The following PTPN5 variants were observed in gnomAD, a reference collection of about 807,000 sequenced individuals.
The protein encoded by PTPN5 is tyrosine-protein phosphatase non-receptor type 5.
In PTPN5, 29 loss-of-function variants were observed where a neutral mutation model predicts 73.9. The ratio of observed to expected loss-of-function variants is 0.39; its 90% CI spans 0.29 to 0.54. The LOEUF (loss-of-function observed/expected upper bound fraction) is 0.54, where lower values mean the gene tolerates loss of function less well. Ranked by LOEUF, PTPN5 falls within the 20% of genes least tolerant of loss-of-function variation. PTPN5 has a pLI of 0.65. For synonymous variants in PTPN5, 267 were observed against 304.7 expected, an observed-to-expected ratio of 0.88 and a Z score of 1.29; for missense variants, 652 against 751.4, an observed-to-expected ratio of 0.87 and a Z score of 1.55.
chr11:18,758,690 C>CAG (rs1850258729), intron 3 of PTPN5, among the ~76,000 whole-genome samples: 4 of 136,340 alleles, frequency 2.9e-5, no homozygotes, highest in African/African-American at 1.1e-4. Flanking sequence ...TTTTTTTTTT[C>CAG]TTCAGATATA....
At chr11:18,765,140 T>C (rs949977659) in intron 3 of PTPN5, among the ~76,000 whole-genome samples, 1 of 152,200 alleles carries the variant, frequency 6.6e-6, no homozygotes, top group African/African-American at 2.4e-5. Context: ...GTTAACCTTT[T>C]GTTATAAGAA....
At chr11:18,762,274 G>C (rs1316892078) in intron 3 of PTPN5, among the ~76,000 whole-genome samples, 1 of 152,202 alleles carries the variant, frequency 6.6e-6, no homozygotes, top group Non-Finnish European at 1.5e-5. Flanking sequence ...CCCTCACTCT[G>C]CCTCGCCTCT....
chr11:18,765,912 T>C (rs1850624930), intron 2 of PTPN5, 29 bp from the exon 3 acceptor site: 1 of 1,501,808 alleles, frequency 6.7e-7, no homozygotes. Flanking sequence ...GGTAAGAATA[T>C]GCTGTTGAGC....
intron 1 of PTPN5, among the ~76,000 whole-genome samples, chr11:18,786,201 ATTTTT>A: frequency 6.8e-6 from 1 of 147,068 alleles, no homozygotes; most frequent in African/African-American, 2.5e-5. Flanking sequence ...GGGGGAATCT[ATTTTT>A]TTTTTTTTTT....
intron 2 of PTPN5, among the ~76,000 whole-genome samples, chr11:18,768,083 G>T (rs934250880): frequency 6.6e-6 from 1 of 152,200 alleles, no homozygotes; most frequent in Non-Finnish European, 1.5e-5. Flanking sequence ...TCAAAGCCTC[G>T]CACAGTGCCT....
chr11:18,770,767 G>C (rs1310371927), intron 2 of PTPN5, among the ~76,000 whole-genome samples: 1 of 152,200 alleles, frequency 6.6e-6, no homozygotes, highest in African/African-American at 2.4e-5. Flanking sequence ...TATGTGTGAA[G>C]GTAATGCGTT....
At position 18,733,509 on chromosome 11, in the gene PTPN5, C is replaced by T. The variant is rs1345329646; in HGVS notation, c.1080+47G>A. On this transcript the variant is annotated intron_variant, in intron 10 of 14. Coordinates refer to ENST00000358540, the MANE Select transcript of PTPN5 (RefSeq NM_006906.2). This position sits in a 1 kb window ranked among gnomAD's most constrained non-coding sequence, Gnocchi z 4.3. ...AAGGCTGGAGGATGGATCCCATCGA[C>T]TCAGGCCTCCCCTTGAGCAAGAGGC... 6.2e-7 allele frequency: 1 copy of T among 1,612,898 alleles called. No homozygotes were observed. Among genetic ancestry groups the T allele is most frequent in the Non-Finnish European group, 8.5e-7 (1 of 1,179,076 alleles).
At chr11:18,749,477 T>C in intron 3 of PTPN5, 1 of 195,846 alleles carries the variant, frequency 5.1e-6, no homozygotes. Context: ...ATGTCTGGGG[T>C]CGGGGGAGGG....
chr11:18,784,235 A>T (rs984205773), intron 1 of PTPN5, among the ~76,000 whole-genome samples: 1 of 152,264 alleles, frequency 6.6e-6, no homozygotes, highest in African/African-American at 2.4e-5. Context: ...TCATAGCCGT[A>T]TTATTCACAA....
rs1227925488 is a variant in PTPN5, at chr11:18,749,412, A to C, written c.98-5213T>G. 3.2e-5 allele frequency: 16 copies of C among 494,558 alleles called. No individual in the cohort carries two copies. In the Admixed American group the frequency reaches 3.4e-4, roughly 11 times the overall value. The allele number at this position is 494,558 out of a possible 1,614,324, so 30.6% of individuals were successfully genotyped here. A position where few individuals can be genotyped will look rare whatever the true frequency, so the allele number is the denominator to read the frequency against. On this transcript the variant is annotated intron_variant, in intron 3 of 14. Coordinates refer to ENST00000358540, the MANE Select transcript of PTPN5 (RefSeq NM_006906.2). Reference sequence around the variant, plus strand: ...CTTTCCAGCATCAAGTGATGTTTCCATTTTGCCATGCCGCTTCTCAGTAAA... The same window carrying C: ...CTTTCCAGCATCAAGTGATGTTTCCCTTTTGCCATGCCGCTTCTCAGTAAA...
intron 2 of PTPN5, among the ~76,000 whole-genome samples, chr11:18,770,829 A>C (rs1370888129): frequency 6.6e-6 from 1 of 152,066 alleles, no homozygotes; most frequent in Non-Finnish European, 1.5e-5. Flanking sequence ...TAGACCACCC[A>C]CCCCATTTTC....
At chr11:18,790,349 G>A (rs1342141175) in intron 1 of PTPN5, among the ~76,000 whole-genome samples, 1 of 152,162 alleles carries the variant, frequency 6.6e-6, no homozygotes, top group Non-Finnish European at 1.5e-5. Flanking sequence ...GGGAGGGAAG[G>A]GTGACTGGGA....
chr11:18,787,016 G>A (rs976883753), intron 1 of PTPN5, among the ~76,000 whole-genome samples: 2 of 152,168 alleles, frequency 1.3e-5, no homozygotes, highest in Admixed American at 6.5e-5. Flanking sequence ...ATATTTGTGC[G>A]GGGAGGAGGA....
rs1194693057 is a variant in PTPN5, at chr11:18,728,001, GTC to G, written c.*931_*932del. On this transcript the variant is annotated 3_prime_UTR_variant, in exon 15 of 15. Transcript: ENST00000358540. The surrounding 1 kb of genome is among the most constrained non-coding windows in gnomAD (Gnocchi z 4.1). ...AGCGAATTATAAAAAGACACCAAAT[GTC>G]TCTGTCTGCCGTGGGATAAATATTT... The G allele has an allele frequency of 2.0e-5, 3 of 152,724 alleles. No homozygotes were observed. The highest frequency in any genetic ancestry group is 7.2e-5 in the African/African-American group (3 of 41,552). The allele number at this position is 152,724 out of a possible 1,614,324, so 9.5% of individuals were successfully genotyped here.
Position 18,765,847 on chromosome 11 carries a change from C to T in PTPN5, c.57G>A (p.Glu19=), listed in dbSNP as rs140963860. Residue 19 remains glutamate, a synonymous_variant, in exon 3 of 15, where the codon GAG becomes GAA. Transcript: ENST00000358540. ...ERENHAADDS[E]GGALDMCCSE... ...TGCAGCACATGTCCAGGGCCCCTCC[C>T]TCGGAGTCATCAGCAGCGTGGTTCT... is the stretch of plus-strand genomic sequence containing the variant. 1.9e-6 allele frequency: 3 copies of T among 1,583,174 alleles called. No homozygotes were observed. The highest frequency in any genetic ancestry group is 1.7e-6 in the Non-Finnish European group (2 of 1,164,040).
chr11:18,730,401 A>T (rs1269467273), intron 12 of PTPN5: 1 of 156,592 alleles, frequency 6.4e-6, no homozygotes, highest in African/African-American at 2.4e-5. Flanking sequence ...ACATCTGGAC[A>T]TGCTGCTCTC....
intron 3 of PTPN5, among the ~76,000 whole-genome samples, chr11:18,746,162 A>AAAATAT (rs1554916159): frequency 1.5e-5 from 1 of 67,638 alleles, no homozygotes; most frequent in African/African-American, 4.4e-5. Flanking sequence ...TATAAATATA[A>AAAATAT]ATATATATAT....
At chr11:18,787,532 T>C (rs923662449) in intron 1 of PTPN5, among the ~76,000 whole-genome samples, 7 of 152,186 alleles carry the variant, frequency 4.6e-5, no homozygotes, top group African/African-American at 1.7e-4. Flanking sequence ...CTTTCCCCCT[T>C]TGTCTGTCTC....
In PTPN5 at chr11:18,778,100, G is replaced by T. The variant is rs528922130; in HGVS notation, c.-113-6029C>A. ...CCATGGCTAATTTCAAGCTATGATTGTGAAGAGTCATGCTGCCAGTCTCAG... is the reference window on the plus strand; with the variant it reads ...CCATGGCTAATTTCAAGCTATGATTTTGAAGAGTCATGCTGCCAGTCTCAG... On this transcript the variant is annotated intron_variant, in intron 1 of 14. Transcript: ENST00000358540. Among the ~76,000 whole-genome samples, 202 of 152,268 alleles carry T rather than the reference G, an allele frequency of 1.3e-3. 2 individuals are homozygous for T. The highest frequency in any genetic ancestry group is 3.8e-3 in the African/African-American group (159 of 41,538).
Sources: allele counts gnomAD v4.1 joint callset (sites outside exome capture counted in the v4.1 genomes callset), GRCh38; gene constraint gnomAD v4.1.1; non-coding constraint Gnocchi (gnomAD v3.1); transcripts MANE v1.5; gene names NCBI Gene and HGNC (gene_info 2026-07-23, HGNC 2026-07-21).